The following LGI1 variants were observed in gnomAD, a reference collection of about 807,000 sequenced individuals.
LGI1 encodes leucine rich glioma inactivated 1.
Under a neutral mutation model 57.7 loss-of-function variants are expected in LGI1, and 11 were observed. The ratio of observed to expected loss-of-function variants is 0.19; its 90% CI spans 0.12 to 0.32. The LOEUF (loss-of-function observed/expected upper bound fraction) is 0.32, where lower values mean the gene tolerates loss of function less well. Ranked by LOEUF, LGI1 falls within the 10% of genes least tolerant of loss-of-function variation. The pLI is 1.00. For missense variants in LGI1, 422 were observed against 661.9 expected (o/e 0.64, Z 3.98); for synonymous variants, 222 against 241.9 (o/e 0.92, Z 0.76).
chr10:93,792,170 T>C, intron 5 of LGI1: 1 of 152,596 alleles, frequency 6.6e-6, no homozygotes, highest in Non-Finnish European at 1.5e-5. Context: ...TATACACCTA[T>C]TTTTTTCAAT....
chr10:93,793,080 C>T (rs1346398333), intron 6 of LGI1, 106 bp from the exon 7 acceptor site: 15 of 1,182,482 alleles, frequency 1.3e-5, no homozygotes, highest in Non-Finnish European at 1.8e-5. Flanking sequence ...AGTAAAATGG[C>T]CATTTTACTA....
rs1172474556 is a variant in LGI1, at chr10:93,786,588, TTTG to T, written c.432-3490_432-3488del. ...TTATTTACATGATCCCTTATATCTC[TTTG>T]TTGTTGTTGTTGTTGTTGTTTTTGA... On this transcript the variant is annotated intron_variant, in intron 4 of 7. Coordinates refer to ENST00000371418, the MANE Select transcript of LGI1 (RefSeq NM_005097.4). Among the ~76,000 whole-genome samples the T allele has an allele frequency of 1.5e-4, 7 of 46,184 alleles. 2 individuals are homozygous for T. Among genetic ancestry groups the T allele is most frequent in the African/African-American group, 2.1e-4 (7 of 33,224 alleles). 30.3% of individuals were successfully genotyped at this position (46,184 alleles called of 152,430 possible).
At chr10:93,764,397 G>A (rs764245858) in intron 2 of LGI1, 1 of 152,154 alleles carries the variant, frequency 6.6e-6, no homozygotes, top group Non-Finnish European at 1.5e-5. Context: ...GTATTATAAG[G>A]TAGTCTTGAT....
chr10:93,796,170 C>G (rs1221094635), intron 7 of LGI1, among the ~76,000 whole-genome samples: 1 of 152,228 alleles, frequency 6.6e-6, no homozygotes, highest in East Asian at 1.9e-4. Flanking sequence ...ACCCTTCTTT[C>G]GATTTTTTTA....
chr10:93,796,911 T>A, intron 7 of LGI1, 57 bp from the exon 8 acceptor site: 2 of 1,396,682 alleles, frequency 1.4e-6, no homozygotes, highest in Non-Finnish European at 2.0e-6. Context: ...GCCCGCATGT[T>A]TACATGCTCC....
chr10:93,760,713 T>G (rs1364604219), intron 2 of LGI1, among the ~76,000 whole-genome samples: 1 of 152,216 alleles, frequency 6.6e-6, no homozygotes, highest in African/African-American at 2.4e-5. Flanking sequence ...TAATGTGATT[T>G]CACGTATTTA....
chr10:93,764,643 A>G (rs969243502), intron 2 of LGI1: 1 of 152,186 alleles, frequency 6.6e-6, no homozygotes, highest in Admixed American at 6.5e-5. Flanking sequence ...TAGTTGTATG[A>G]TTTGGGGCAA....
At chr10:93,792,565 A>C (rs2059945983) in intron 5 of LGI1, 178 bp from the exon 6 acceptor site, 4 of 680,652 alleles carry the variant, frequency 5.9e-6, no homozygotes, top group African/African-American at 5.3e-5. Flanking sequence ...TCAAGTGTGC[A>C]TGGTGCTAAC....
chr10:93,768,992 C>T (rs1251429022), intron 2 of LGI1: 1 of 152,202 alleles, frequency 6.6e-6, no homozygotes, highest in Non-Finnish European at 1.5e-5. Flanking sequence ...AAATAATGTA[C>T]TTGTGTGTGA....
chr10:93,768,152 A>G (rs1264346595), intron 2 of LGI1: 1 of 152,244 alleles, frequency 6.6e-6, no homozygotes, highest in Non-Finnish European at 1.5e-5. Context: ...TAAACCTCTC[A>G]ACCCTTTGAA....
At chr10:93,793,889 T>G (rs2059956564) in intron 7 of LGI1, 1 of 154,350 alleles carries the variant, frequency 6.5e-6, no homozygotes, top group Non-Finnish European at 1.4e-5. Context: ...ATCTTGGTCT[T>G]GTAGGTTCAT....
intron 2 of LGI1, among the ~76,000 whole-genome samples, chr10:93,761,416 T>A (rs1465623543): frequency 6.6e-6 from 1 of 152,208 alleles, no homozygotes; most frequent in East Asian, 1.9e-4. Flanking sequence ...AGGAAGACAG[T>A]TCGTTGGTTT....
Position 93,797,389 on chromosome 10 carries a change from CACTA to C in LGI1, c.1263_1266del (p.Asn422LysfsTer13). On this transcript the variant is annotated frameshift_variant, in exon 8 of 8. Transcript: ENST00000371418. LOFTEE classifies it high-confidence loss of function. This position sits in a 1 kb window ranked among gnomAD's most constrained non-coding sequence, Gnocchi z 6.5. ...AGTGGAACAAAGCAACACAATTATT[CACTA>C]ACCAAACTGACATTCCTAACATGGA... 1 of 1,614,214 alleles carries C rather than the reference CACTA, an allele frequency of 6.2e-7. No individual in the cohort carries two copies. Among genetic ancestry groups the C allele is most frequent in the Non-Finnish European group, 8.5e-7 (1 of 1,180,048 alleles).
At chr10:93,784,799 G>T (rs1188574068) in intron 4 of LGI1, among the ~76,000 whole-genome samples, 1 of 151,876 alleles carries the variant, frequency 6.6e-6, no homozygotes, top group African/African-American at 2.4e-5. Flanking sequence ...TGCAATTCAG[G>T]GTGACACTCT....
chr10:93,759,163 T>G, intron 2 of LGI1: 2 of 368,498 alleles, frequency 5.4e-6, no homozygotes, highest in Non-Finnish European at 1.0e-5. Context: ...GCCCTGGAGT[T>G]TTTGAATTAG....
At chr10:93,775,180 G>C (rs1272739879) in intron 2 of LGI1, among the ~76,000 whole-genome samples, 1 of 152,120 alleles carries the variant, frequency 6.6e-6, no homozygotes, top group Non-Finnish European at 1.5e-5. Flanking sequence ...CCCAGGTCAA[G>C]AAACTCAATA....
chr10:93,767,424 C>T (rs1265029167), intron 2 of LGI1: 1 of 152,092 alleles, frequency 6.6e-6, no homozygotes, highest in Non-Finnish European at 1.5e-5. Flanking sequence ...AATGAAGTTA[C>T]CTTGGCATAG....
At chr10:93,785,440 A>C (rs1287798613) in intron 4 of LGI1, among the ~76,000 whole-genome samples, 1 of 152,212 alleles carries the variant, frequency 6.6e-6, no homozygotes, top group Non-Finnish European at 1.5e-5. Flanking sequence ...GCAGATGTCA[A>C]AACAGAAACC....
At chr10:93,762,918 A>G (rs2059638536) in intron 2 of LGI1, 1 of 152,192 alleles carries the variant, frequency 6.6e-6, no homozygotes, top group South Asian at 2.1e-4. Flanking sequence ...TTATTCAGGC[A>G]AGAAACTTCA....
Sources: gnomAD v4.1 joint callset for allele counts (sites outside exome capture counted in the v4.1 genomes callset) on GRCh38, gnomAD v4.1.1 for gene constraint, Gnocchi (gnomAD v3.1) non-coding constraint, MANE v1.5 for transcripts, NCBI Gene and HGNC (gene_info 2026-07-23, HGNC 2026-07-21) for gene names.